The following EYS variants were observed in gnomAD, a reference collection of about 807,000 sequenced individuals.
EYS encodes the protein EGF-like photoreceptor maintenance factor.
In EYS, 250 loss-of-function variants were observed where a neutral mutation model predicts 282.1. The observed-to-expected ratio is 0.89, with a 90% CI of 0.80 to 0.98. EYS has a LOEUF of 0.98. Among genes scored for constraint, EYS ranks in the 50% least tolerant of loss-of-function variants. The pLI is 0.00. For missense variants in EYS, 4,016 were observed against 3,709.0 expected (o/e 1.08, Z -2.15); for synonymous variants, 1,355 against 1,282.9 (o/e 1.06, Z -1.20).
At chr6:63,758,211 T>C (rs1167548306) in intron 41 of EYS, among the ~76,000 whole-genome samples, 1 of 152,162 alleles carries the variant, frequency 6.6e-6, no homozygotes, top group East Asian at 1.9e-4. Flanking sequence ...CTGAGTATTG[T>C]TGTTGTTGTT....
chr6:64,389,661 C>T (rs186252687), intron 28 of EYS, among the ~76,000 whole-genome samples: 76 of 152,234 alleles, frequency 5.0e-4, no homozygotes, highest in African/African-American at 1.6e-3. Flanking sequence ...TACTATCTAA[C>T]CCTTATAGAA....
intron 14 of EYS, among the ~76,000 whole-genome samples, chr6:64,995,142 C>T (rs943275602): frequency 6.6e-6 from 1 of 152,116 alleles, no homozygotes; most frequent in Non-Finnish European, 1.5e-5. Context: ...TAGCTAAGGT[C>T]AGTTATGCAG....
chr6:65,622,092 A>G (rs1766523345), intron 2 of EYS, among the ~76,000 whole-genome samples: 1 of 152,198 alleles, frequency 6.6e-6, no homozygotes. Flanking sequence ...TATGTCAGCA[A>G]TAAAGGGATA....
intron 12 of EYS, among the ~76,000 whole-genome samples, chr6:65,163,371 T>G (rs1764896997): frequency 6.6e-6 from 1 of 151,380 alleles, no homozygotes; most frequent in Non-Finnish European, 1.5e-5. Context: ...TTTCAAAGAT[T>G]AAAGACTCTA....
chr6:64,496,038 T>G (rs1320542928), intron 26 of EYS, among the ~76,000 whole-genome samples: 1 of 151,880 alleles, frequency 6.6e-6, no homozygotes, highest in Non-Finnish European at 1.5e-5. Flanking sequence ...TTAATATGAA[T>G]TCATGTACTC....
intron 22 of EYS, among the ~76,000 whole-genome samples, chr6:64,808,191 A>G (rs968830148): frequency 5.9e-5 from 9 of 151,910 alleles, no homozygotes; most frequent in Admixed American, 4.0e-4. Context: ...GATTTACAGT[A>G]TAAAACATGC....
chr6:65,270,039 A>C (rs188066980), intron 12 of EYS, among the ~76,000 whole-genome samples: 136 of 152,308 alleles, frequency 8.9e-4, no homozygotes, highest in Non-Finnish European at 1.3e-4. Flanking sequence ...GCAAAGTCTT[A>C]CCTAAATATC....
At chr6:65,270,846 T>A (rs1767879801) in intron 12 of EYS, among the ~76,000 whole-genome samples, 1 of 151,912 alleles carries the variant, frequency 6.6e-6, no homozygotes, top group African/African-American at 2.4e-5. Flanking sequence ...CCTGAGACCA[T>A]AATGGCAGCC....
intron 2 of EYS, among the ~76,000 whole-genome samples, chr6:65,544,967 A>G (rs1331208): frequency 0.75 from 113,458 of 152,070 alleles, 43,115 homozygotes; most frequent in African/African-American, 0.89. Flanking sequence ...AATAATTTTT[A>G]AAGTTTTATG....
chr6:65,261,262 T>C (rs1223884818), intron 12 of EYS, among the ~76,000 whole-genome samples: 1 of 151,894 alleles, frequency 6.6e-6, no homozygotes. Flanking sequence ...ATAATATGTA[T>C]ATTTATACAT....
At chr6:64,337,038 C>T (rs1770879024) in intron 29 of EYS, among the ~76,000 whole-genome samples, 1 of 151,982 alleles carries the variant, frequency 6.6e-6, no homozygotes, top group Non-Finnish European at 1.5e-5. Context: ...AGAGCACAAA[C>T]TGACATTCTA....
Position 64,241,659 on chromosome 6 carries a change from G to T in EYS, c.6192-10835C>A, listed in dbSNP as rs543945929. ...ATTCATTGATTTTTTGAAGGTTTTT[G>T]TGTGTGTGTGTGTGTGTGTGTGTCT... is the stretch of plus-strand genomic sequence containing the variant. On this transcript the variant is annotated intron_variant, in intron 30 of 42. Coordinates refer to ENST00000503581, the MANE Select transcript of EYS (RefSeq NM_001142800.2). 1.3e-3 allele frequency among the ~76,000 whole-genome samples: 190 copies of T among 144,716 alleles called. 1 individual carries two copies. The highest frequency in any genetic ancestry group is 0.01 in the South Asian group (48 of 4,690). 94.9% of individuals were successfully genotyped at this position (144,716 alleles called of 152,430 possible). A position where few individuals can be genotyped will look rare whatever the true frequency, so the allele number is the denominator to read the frequency against.
intron 5 of EYS, among the ~76,000 whole-genome samples, chr6:65,433,515 G>C (rs999570740): frequency 6.6e-6 from 1 of 152,048 alleles, no homozygotes; most frequent in Non-Finnish European, 1.5e-5. Context: ...GATTAATCAT[G>C]GAAATAATTA....
intron 41 of EYS, among the ~76,000 whole-genome samples, chr6:63,748,392 T>G (rs1769262220): frequency 6.6e-6 from 1 of 152,216 alleles, no homozygotes; most frequent in East Asian, 1.9e-4. Flanking sequence ...GGTTTGCCAG[T>G]GCTTTTTTGA....
At chr6:65,694,742 TAA>T (rs34494006) in intron 1 of EYS, among the ~76,000 whole-genome samples, 1 of 135,470 alleles carries the variant, frequency 7.4e-6, no homozygotes, top group Non-Finnish European at 1.6e-5. Context: ...GTTGTAGATT[TAA>T]AAAAAAAAAA....
intron 26 of EYS, among the ~76,000 whole-genome samples, chr6:64,497,982 C>A (rs777630287): frequency 4.6e-5 from 7 of 152,056 alleles, no homozygotes; most frequent in Non-Finnish European, 8.8e-5. Flanking sequence ...GAAAACCAAA[C>A]ACACCAAGTT....
chr6:64,910,839 A>G (rs1767967742), intron 16 of EYS, among the ~76,000 whole-genome samples: 2 of 152,070 alleles, frequency 1.3e-5, no homozygotes, highest in Non-Finnish European at 1.5e-5. Context: ...GCACTTATAA[A>G]TAGCAAAAGA....
intron 12 of EYS, among the ~76,000 whole-genome samples, chr6:65,059,734 C>T (rs377209229): frequency 2.0e-5 from 3 of 152,082 alleles, no homozygotes; most frequent in Non-Finnish European, 4.4e-5. Flanking sequence ...ACAAGAGAAG[C>T]ACCTCAGGAA....
At chr6:64,264,375 TCTAA>T (rs1458538928) in intron 30 of EYS, among the ~76,000 whole-genome samples, 1 of 152,094 alleles carries the variant, frequency 6.6e-6, no homozygotes, top group Non-Finnish European at 1.5e-5. Flanking sequence ...ATCCAAATGA[TCTAA>T]CTTGGTCTCA....
Sources: gnomAD v4.1 joint callset for allele counts (sites outside exome capture counted in the v4.1 genomes callset) on GRCh38, gnomAD v4.1.1 for gene constraint, MANE v1.5 for transcripts, NCBI Gene and HGNC (gene_info 2026-07-23, HGNC 2026-07-21) for gene names.